SERGEF: variants seen among roughly 807,000 people sequenced by gnomAD.
The protein encoded by SERGEF is secretion regulating guanine nucleotide exchange factor.
Under a neutral mutation model 50.0 loss-of-function variants are expected in SERGEF, and 51 were observed. The observed-to-expected ratio is 1.02, with a 90% CI of 0.81 to 1.29. SERGEF has a LOEUF of 1.29. Ranked by LOEUF, SERGEF falls within the 50% of genes most tolerant of loss-of-function variation. The probability of loss-of-function intolerance (pLI) is 0.00; values close to 1 mark genes in which losing one functional copy is unlikely to be tolerated. For missense variants in SERGEF, 521 were observed against 557.0 expected, an observed-to-expected ratio of 0.94 and a Z score of 0.65; for synonymous variants, 205 against 212.4, an observed-to-expected ratio of 0.97 and a Z score of 0.30.
At chr11:17,846,698 T>G (rs114024107) in intron 10 of SERGEF, 246 of 456,306 alleles carry the variant, frequency 5.4e-4, no homozygotes, top group African/African-American at 4.6e-3. Context: ...TATCTCTTAA[T>G]TTCTCTGCAA....
At chr11:17,818,932 GA>G (rs1776378644) in intron 10 of SERGEF, among the ~76,000 whole-genome samples, 1 of 152,160 alleles carries the variant, frequency 6.6e-6, no homozygotes, top group African/African-American at 2.4e-5. Flanking sequence ...CCAAAGGAGG[GA>G]AACTCCTACT....
intron 8 of SERGEF, among the ~76,000 whole-genome samples, chr11:17,972,872 A>C (rs1853280448): frequency 6.6e-6 from 1 of 152,136 alleles, no homozygotes; most frequent in Admixed American, 6.6e-5. Context: ...TAATGAAAGA[A>C]ACATCCCTTT....
At chr11:17,942,710 T>A (rs920369998) in intron 9 of SERGEF, among the ~76,000 whole-genome samples, 17 of 152,110 alleles carry the variant, frequency 1.1e-4, no homozygotes, top group Non-Finnish European at 1.5e-4. Context: ...ATACATTAAA[T>A]TTTTCACCAT....
intron 10 of SERGEF, among the ~76,000 whole-genome samples, chr11:17,859,269 AAAC>A (rs1850882961): frequency 6.6e-6 from 1 of 152,204 alleles, no homozygotes; most frequent in Admixed American, 6.5e-5. Context: ...ATGGCAATAT[AAAC>A]AAGAACAGAA....
At chr11:17,971,375 G>C (rs545043887) in intron 8 of SERGEF, among the ~76,000 whole-genome samples, 1 of 152,320 alleles carries the variant, frequency 6.6e-6, no homozygotes, top group East Asian at 1.9e-4. Context: ...ATGGGAAGAA[G>C]ATAACTATCT....
intron 9 of SERGEF, among the ~76,000 whole-genome samples, chr11:17,890,299 T>C (rs530048987): frequency 6.6e-6 from 1 of 152,328 alleles, no homozygotes; most frequent in Non-Finnish European, 1.5e-5. Flanking sequence ...GAGCCAGGTT[T>C]CTCATAGTCA....
chr11:17,918,352 T>A (rs1852085681), intron 9 of SERGEF, among the ~76,000 whole-genome samples: 1 of 152,168 alleles, frequency 6.6e-6, no homozygotes, highest in Non-Finnish European at 1.5e-5. Context: ...GAACATGCAT[T>A]CTGAATTACA....
At chr11:17,957,599 G>T (rs1852901424) in intron 9 of SERGEF, among the ~76,000 whole-genome samples, 1 of 152,126 alleles carries the variant, frequency 6.6e-6, no homozygotes, top group Non-Finnish European at 1.5e-5. Flanking sequence ...TTCACTACTG[G>T]TAGAGCCAAC....
At chr11:17,831,019 G>C (rs1450875527) in intron 10 of SERGEF, among the ~76,000 whole-genome samples, 1 of 152,032 alleles carries the variant, frequency 6.6e-6, no homozygotes, top group African/African-American at 2.4e-5. Flanking sequence ...TCTTCCCAAA[G>C]TACTTTTCTA....
Position 17,959,465 on chromosome 11 carries a change from C to T in SERGEF, c.1011+5G>A, listed in dbSNP as rs971926731. On this transcript the variant is annotated splice_donor_5th_base_variant and intron_variant, in intron 9 of 10. Coordinates refer to ENST00000265965, the MANE Select transcript of SERGEF (RefSeq NM_012139.4). ...AGATTACATCTGTGAGAAGTCACTT[C>T]CTACCTCAGTTGCTCCAGTTAAGCA... is the stretch of plus-strand genomic sequence containing the variant. 1.9e-6 allele frequency: 3 copies of T among 1,611,980 alleles called. No homozygotes were observed. The highest frequency in any genetic ancestry group is 2.5e-6 in the Non-Finnish European group (3 of 1,179,062).
At chr11:17,801,572 G>A (rs1303525335) in intron 10 of SERGEF, among the ~76,000 whole-genome samples, 1 of 152,188 alleles carries the variant, frequency 6.6e-6, no homozygotes. Flanking sequence ...GCAATGAGTG[G>A]ATGGTAGTGC....
At chr11:17,811,561 A>G (rs1849874639) in intron 10 of SERGEF, among the ~76,000 whole-genome samples, 1 of 152,234 alleles carries the variant, frequency 6.6e-6, no homozygotes, top group Non-Finnish European at 1.5e-5. Flanking sequence ...ATCTAGGCTC[A>G]GCGTGGAGGA....
At chr11:17,822,493 A>T (rs1470462550) in intron 10 of SERGEF, among the ~76,000 whole-genome samples, 1 of 152,252 alleles carries the variant, frequency 6.6e-6, no homozygotes, top group African/African-American at 2.4e-5. Context: ...ATTCTGGCTG[A>T]AAAAGAACTC....
At chr11:17,896,290 A>G (rs563463962) in intron 9 of SERGEF, among the ~76,000 whole-genome samples, 27 of 152,258 alleles carry the variant, frequency 1.8e-4, no homozygotes, top group African/African-American at 6.0e-4. Context: ...AAAAGGGCTT[A>G]GGAATTTTGT....
intron 10 of SERGEF, among the ~76,000 whole-genome samples, chr11:17,829,923 G>GGAGGA (rs1377363077): frequency 6.6e-6 from 1 of 152,210 alleles, no homozygotes; most frequent in Non-Finnish European, 1.5e-5. Flanking sequence ...GTTTGATGGA[G>GGAGGA]GAGGAGAGGA....
intron 10 of SERGEF, among the ~76,000 whole-genome samples, chr11:17,824,073 G>A (rs956237273): frequency 6.6e-6 from 1 of 152,112 alleles, no homozygotes; most frequent in Admixed American, 6.5e-5. Flanking sequence ...AGGCCGAGGC[G>A]GGCGGATCAC....
chr11:17,844,883 A>G (rs1850575026), intron 10 of SERGEF, among the ~76,000 whole-genome samples: 2 of 151,968 alleles, frequency 1.3e-5, no homozygotes. Flanking sequence ...GTACACTAAC[A>G]ACAGCTAATG....
intron 9 of SERGEF, among the ~76,000 whole-genome samples, chr11:17,896,700 T>A (rs1054772899): frequency 0.01 from 461 of 44,036 alleles, 39 homozygotes; most frequent in Non-Finnish European, 0.016. Context: ...AGGGGAAGGG[T>A]AAGGGAAGGG....
chr11:17,938,028 CACCAGCTTGGCCACTATGCCATT>C (rs1852487998), intron 9 of SERGEF, among the ~76,000 whole-genome samples: 1 of 152,208 alleles, frequency 6.6e-6, no homozygotes, highest in Admixed American at 6.5e-5. Flanking sequence ...ACTATGCCAT[CACCAGCTTGGCCACTATGCCATT>C]ACCAGCTTCT....
Sources: allele counts gnomAD v4.1 joint callset (sites outside exome capture counted in the v4.1 genomes callset), GRCh38; gene constraint gnomAD v4.1.1; transcripts MANE v1.5; gene names NCBI Gene and HGNC (gene_info 2026-07-23, HGNC 2026-07-21).